The following KPNA4 variants were observed in gnomAD, a reference collection of about 807,000 sequenced individuals.
The protein encoded by KPNA4 is importin subunit alpha-3.
Under a neutral mutation model 71.3 loss-of-function variants are expected in KPNA4, and 13 were observed. The ratio of observed to expected loss-of-function variants is 0.18; its 90% confidence interval spans 0.12 to 0.29. The LOEUF is 0.29. Among genes scored for constraint, KPNA4 ranks in the 10% least tolerant of loss-of-function variants. The pLI is 1.00. For missense variants in KPNA4, 334 were observed against 603.2 expected (o/e 0.55, Z 4.67); for synonymous variants, 189 against 195.2 (o/e 0.97, Z 0.26).
intron 7 of KPNA4, 55 bp from the exon 8 acceptor site, chr3:160,528,094 T>C: frequency 7.3e-7 from 1 of 1,365,578 alleles, no homozygotes; most frequent in Non-Finnish European, 1.0e-6. Flanking sequence ...AAACCAAAAA[T>C]CAATCTTTAT....
At position 160,502,054 on chromosome 3, in the gene KPNA4, A is replaced by G. The variant is rs1314966645; in HGVS notation, c.*50T>C. 2 of 671,632 alleles carry G rather than the reference A, an allele frequency of 3.0e-6. No individual in the cohort carries two copies. The highest frequency in any genetic ancestry group is 5.1e-6 in the Non-Finnish European group (2 of 392,194). The allele number at this position is 671,632 out of a possible 1,614,324, so 41.6% of individuals were successfully genotyped here. On this transcript the variant is annotated 3_prime_UTR_variant, in exon 17 of 17. Coordinates refer to ENST00000334256, the MANE Select transcript of KPNA4 (RefSeq NM_002268.5). ...TATATATATATACACACACACATATATATATATATATCTCAGTGCTGCATT... is the reference window on the plus strand; with the variant it reads ...TATATATATATACACACACACATATGTATATATATATCTCAGTGCTGCATT...
chr3:160,546,816 C>T (rs58295824), intron 1 of KPNA4, among the ~76,000 whole-genome samples: 5,280 of 152,166 alleles, frequency 0.035, 319 homozygotes, highest in African/African-American at 0.12. Context: ...GAGCTTCTAA[C>T]CCACGTCTCA....
At chr3:160,517,661 G>C (rs1009822364) in intron 11 of KPNA4, among the ~76,000 whole-genome samples, 1 of 152,020 alleles carries the variant, frequency 6.6e-6, no homozygotes, top group Non-Finnish European at 1.5e-5. Context: ...ATCCTGGTGG[G>C]TGTGAAGTAG....
intron 1 of KPNA4, among the ~76,000 whole-genome samples, chr3:160,555,232 G>C (rs1255795961): frequency 6.6e-6 from 1 of 152,214 alleles, no homozygotes; most frequent in African/African-American, 2.4e-5. Flanking sequence ...CTGTATGAAA[G>C]GACAGTGTAG....
At chr3:160,541,767 A>G (rs965251355) in intron 1 of KPNA4, among the ~76,000 whole-genome samples, 1 of 151,748 alleles carries the variant, frequency 6.6e-6, no homozygotes, top group African/African-American at 2.4e-5. Flanking sequence ...TTAATCACCT[A>G]ATTGCCAAGC....
At chr3:160,558,972 A>G (rs1722193570) in intron 1 of KPNA4, among the ~76,000 whole-genome samples, 1 of 152,214 alleles carries the variant, frequency 6.6e-6, no homozygotes, top group South Asian at 2.1e-4. Context: ...ATTGTGTGAA[A>G]AAAATGAAGA....
intron 1 of KPNA4, among the ~76,000 whole-genome samples, chr3:160,546,842 T>C (rs980976180): frequency 2.6e-5 from 4 of 152,326 alleles, no homozygotes; most frequent in Admixed American, 2.0e-4. Context: ...TGTGGTATAG[T>C]ACTGAACTGA....
At chr3:160,535,924 A>AAAAC in intron 2 of KPNA4, 27 bp from the exon 3 acceptor site, 2 of 1,081,252 alleles carry the variant, frequency 1.8e-6, no homozygotes, top group African/African-American at 3.2e-5. Context: ...AAAAAAAAAA[A>AAAAC]ACCAAACAGA....
chr3:160,499,380 G>A lies in KPNA4; in HGVS notation c.*2724C>T, dbSNP rs1000340991. 3.3e-5 allele frequency: 5 copies of A among 151,762 alleles called. No individual in the cohort carries two copies. The highest frequency in any genetic ancestry group is 4.8e-5 in the African/African-American group (2 of 41,258). 9.4% of individuals were successfully genotyped at this position (151,762 alleles called of 1,614,324 possible). A position where few individuals can be genotyped will look rare whatever the true frequency, so the allele number is the denominator to read the frequency against. Reference sequence around the variant, plus strand: ...AAAAAGACAGTTTAAGACATGAAACGTTAAGAACGTTTAGCTTATTAGGCA... The same window carrying A: ...AAAAAGACAGTTTAAGACATGAAACATTAAGAACGTTTAGCTTATTAGGCA... On this transcript the variant is annotated 3_prime_UTR_variant, in exon 17 of 17. Coordinates refer to ENST00000334256, the MANE Select transcript of KPNA4 (RefSeq NM_002268.5).
At chr3:160,557,857 T>G (rs1413167063) in intron 1 of KPNA4, among the ~76,000 whole-genome samples, 3 of 151,978 alleles carry the variant, frequency 2.0e-5, no homozygotes, top group Non-Finnish European at 4.4e-5. Flanking sequence ...TTATTTTTAT[T>G]TTTTTGTAGA....
chr3:160,524,755 A>T (rs2108549876), intron 10 of KPNA4, among the ~76,000 whole-genome samples: 1 of 152,340 alleles, frequency 6.6e-6, no homozygotes, highest in East Asian at 1.9e-4. Flanking sequence ...ATCCTAAACT[A>T]TCTGGGGCTA....
At chr3:160,564,064 T>C (rs1722293796) in intron 1 of KPNA4, 1 of 152,146 alleles carries the variant, frequency 6.6e-6, no homozygotes, top group African/African-American at 2.4e-5. Context: ...ACATAAAAAA[T>C]ACTGCTTGAC....
intron 2 of KPNA4, among the ~76,000 whole-genome samples, chr3:160,536,247 C>T (rs1455505298): frequency 2.0e-5 from 3 of 152,116 alleles, no homozygotes; most frequent in Admixed American, 1.3e-4. Flanking sequence ...CCATTTTATA[C>T]ATGATCTGGG....
intron 1 of KPNA4, among the ~76,000 whole-genome samples, chr3:160,550,982 T>A (rs1223042959): frequency 6.6e-6 from 1 of 152,218 alleles, no homozygotes; most frequent in Non-Finnish European, 1.5e-5. Flanking sequence ...TCTTATAATG[T>A]CTTTTTCTGG....
intron 1 of KPNA4, among the ~76,000 whole-genome samples, chr3:160,543,106 T>C (rs1035219006): frequency 1.3e-5 from 2 of 152,132 alleles, no homozygotes; most frequent in African/African-American, 2.4e-5. Flanking sequence ...GAGTTCTCTA[T>C]ATTCTTCTAT....
At position 160,508,269 on chromosome 3, in the gene KPNA4, C is replaced by T; in HGVS notation, c.1210G>A (p.Val404Met). The change falls in exon 15 of 17, where the codon GTG becomes ATG. Residue 404 changes from valine to methionine, a missense_variant and splice_region_variant. Transcript: ENST00000334256. ...ACATTTTGTTGGATAAGGTAAGCCA[C>T]CTGAAGAATAAAAACAACATAAAAT... The part of the protein sequence containing the change: ...NLTISGRKDQ[V>M]AYLIQQNVIP... 1.3e-6 allele frequency: 2 copies of T among 1,589,600 alleles called. No homozygotes were observed. The highest frequency in any genetic ancestry group is 1.7e-6 in the Non-Finnish European group (2 of 1,168,778).
intron 11 of KPNA4, among the ~76,000 whole-genome samples, chr3:160,516,319 T>C (rs545022117): frequency 4.6e-5 from 7 of 152,132 alleles, no homozygotes; most frequent in African/African-American, 9.6e-5. Context: ...TTTGAGCACT[T>C]AGCATCAGGC....
intron 1 of KPNA4, among the ~76,000 whole-genome samples, chr3:160,558,198 T>C (rs1722177819): frequency 6.6e-6 from 1 of 152,178 alleles, no homozygotes; most frequent in East Asian, 1.9e-4. Context: ...AACTAGTATG[T>C]ATGTGACAAT....
chr3:160,546,499 T>C (rs1169447516), intron 1 of KPNA4, among the ~76,000 whole-genome samples: 5 of 152,032 alleles, frequency 3.3e-5, no homozygotes, highest in East Asian at 3.9e-4. Context: ...GCCTGGGTGA[T>C]AGAGCAAGAC....
Sources: allele counts gnomAD v4.1 joint callset (sites outside exome capture counted in the v4.1 genomes callset), GRCh38; gene constraint gnomAD v4.1.1; transcripts MANE v1.5; gene names NCBI Gene and HGNC (gene_info 2026-07-23, HGNC 2026-07-21).